AGO3: variants seen among roughly 807,000 people sequenced by gnomAD.
AGO3 encodes argonaute RISC catalytic component 3, also known as protein argonaute-3.
Under a neutral mutation model 105.5 loss-of-function variants are expected in AGO3, and 16 were observed. The observed-to-expected ratio is 0.15, with a 90% CI of 0.10 to 0.23. AGO3 has a LOEUF of 0.23. Among genes scored for constraint, AGO3 ranks in the 10% least tolerant of loss-of-function variants. AGO3 has a pLI of 1.00. For missense variants in AGO3, 534 were observed against 1,088.0 expected, an observed-to-expected ratio of 0.49 and a Z score of 7.16; for synonymous variants, 340 against 367.3, an observed-to-expected ratio of 0.93 and a Z score of 0.85.
intron 13 of AGO3, among the ~76,000 whole-genome samples, chr1:36,035,641 T>A (rs892793718): frequency 6.6e-6 from 1 of 152,182 alleles, no homozygotes; most frequent in African/African-American, 2.4e-5. Context: ...AGTTTATAAT[T>A]TTGTGCCCAT....
intron 9 of AGO3, 168 bp from the exon 10 acceptor site, chr1:36,013,462 C>T: frequency 1.2e-6 from 1 of 835,440 alleles, no homozygotes; most frequent in Non-Finnish European, 1.8e-6. Context: ...ATTCATGACC[C>T]ATGGTCCCCA....
chr1:36,014,438 A>G (rs866686318), intron 11 of AGO3, among the ~76,000 whole-genome samples: 85 of 151,248 alleles, frequency 5.6e-4, no homozygotes, highest in Admixed American at 1.4e-3. Context: ...GATTACAGGC[A>G]TGAGCCACTG....
intron 4 of AGO3, among the ~76,000 whole-genome samples, chr1:35,972,472 T>C (rs1274194649): frequency 6.6e-6 from 1 of 152,212 alleles, no homozygotes; most frequent in Non-Finnish European, 1.5e-5. Context: ...TAGAAAAATA[T>C]CTCACCCTTT....
In AGO3 at chr1:35,952,143, TC is replaced by T. The variant is rs1557648188; in HGVS notation, c.191+6281del. Reference sequence around the variant, plus strand: ...TTCTTTCTTTCTTTCTTTCTTTCTTTCTTTCTTTTTTTTTTTTTTTTTTGAC... The same window carrying T: ...TTCTTTCTTTCTTTCTTTCTTTCTTTTTTCTTTTTTTTTTTTTTTTTTGAC... On this transcript the variant is annotated intron_variant, in intron 2 of 18. Transcript: ENST00000373191. Among the ~76,000 whole-genome samples, 786 of 95,812 alleles carry T rather than the reference TC, an allele frequency of 8.2e-3. 21 individuals carry two copies. The highest frequency in any genetic ancestry group is 0.037 in the African/African-American group (644 of 17,332). The allele number at this position is 95,812 out of a possible 152,430, so 62.9% of individuals were successfully genotyped here.
chr1:35,933,838 C>T (rs183686243), intron 1 of AGO3, among the ~76,000 whole-genome samples: 1 of 151,932 alleles, frequency 6.6e-6, no homozygotes, highest in Admixed American at 6.6e-5. Context: ...ATTCTAGTTG[C>T]TCGGTGGATA....
Position 36,039,848 on chromosome 1 carries a change from G to A in AGO3, c.1901G>A (p.Arg634Lys). 6.2e-7 allele frequency: 1 copy of A among 1,613,438 alleles called. No individual in the cohort carries two copies. The highest frequency in any genetic ancestry group is 1.7e-5 in the Admixed American group (1 of 59,886). ...SRYCATVRVQ[R>K]PRQEIIQDLA... The stretch of plus-strand genomic sequence containing the variant: ...TACTGTGCCACAGTAAGAGTTCAGA[G>A]ACCCCGACAGGAGATCATCCAGGAC... The change falls in exon 15 of 19, where the codon AGA (arginine) becomes AAA (lysine). Residue 634 changes from arginine to lysine, a missense_variant. By Grantham distance (26) the Arg-to-Lys change is conservative (BLOSUM62 2). Around this residue, in one of 2 missense-constraint regions of AGO3, gnomAD observed 373 missense variants for 854.0 expected, o/e 0.44. Coordinates refer to ENST00000373191, the MANE Select transcript of AGO3 (RefSeq NM_024852.4).
intron 5 of AGO3, among the ~76,000 whole-genome samples, chr1:35,975,957 C>CT (rs1022872778): frequency 9.0e-5 from 12 of 133,322 alleles, no homozygotes; most frequent in South Asian, 7.1e-4. Flanking sequence ...TTTTTTCTTT[C>CT]TTTTTTTTGA....
chr1:36,027,778 CAAA>C lies in AGO3; in HGVS notation c.1591+493_1591+495del, dbSNP rs529893386. On this transcript the variant is annotated intron_variant, in intron 12 of 18. Transcript: ENST00000373191. The surrounding 1 kb of genome is among the most constrained non-coding windows in gnomAD (Gnocchi z 4.0). Reference sequence around the variant, plus strand: ...TGGGCGACAGAGCGAAAGTCCGTCTCAAAAAAAAAAAAAAAGGGTTTCAGTAGT... The same window carrying C: ...TGGGCGACAGAGCGAAAGTCCGTCTCAAAAAAAAAAAAGGGTTTCAGTAGT... Among the ~76,000 whole-genome samples, 2 of 66,684 alleles carry C rather than the reference CAAA, an allele frequency of 3.0e-5. No homozygotes were observed. Among genetic ancestry groups the C allele is most frequent in the Non-Finnish European group, 3.0e-5 (1 of 32,790 alleles). The allele number at this position is 66,684 out of a possible 152,430, so 43.7% of individuals were successfully genotyped here. A position where few individuals can be genotyped will look rare whatever the true frequency, so the allele number is the denominator to read the frequency against.
chr1:36,041,860 T>G (rs1268110518), intron 16 of AGO3, among the ~76,000 whole-genome samples: 1 of 152,066 alleles, frequency 6.6e-6, no homozygotes, highest in Non-Finnish European at 1.5e-5. Flanking sequence ...GTAATGCACT[T>G]AGAACAGGGC....
At chr1:35,958,770 A>G (rs1403175714) in intron 2 of AGO3, among the ~76,000 whole-genome samples, 1 of 152,228 alleles carries the variant, frequency 6.6e-6, no homozygotes, top group Non-Finnish European at 1.5e-5. Context: ...TAGTAACCAC[A>G]GAGTAATAAA....
At chr1:35,990,884 G>T (rs1647576004) in intron 5 of AGO3, among the ~76,000 whole-genome samples, 1 of 152,092 alleles carries the variant, frequency 6.6e-6, no homozygotes, top group African/African-American at 2.4e-5. Context: ...TTTTCTTTCG[G>T]GTGGAATGAG....
chr1:35,940,455 T>C (rs896825991), intron 1 of AGO3, among the ~76,000 whole-genome samples: 1 of 152,218 alleles, frequency 6.6e-6, no homozygotes, highest in African/African-American at 2.4e-5. Flanking sequence ...CGGTAAGTTT[T>C]CTCTCCTTGT....
intron 5 of AGO3, among the ~76,000 whole-genome samples, chr1:35,997,057 C>T (rs1310667533): frequency 3.3e-5 from 5 of 152,094 alleles, no homozygotes; most frequent in Non-Finnish European, 7.3e-5. Context: ...ACAGGCAGAT[C>T]GCTTGAGGTC....
At chr1:35,936,370 G>A (rs1360555379) in intron 1 of AGO3, among the ~76,000 whole-genome samples, 2 of 152,122 alleles carry the variant, frequency 1.3e-5, no homozygotes, top group African/African-American at 2.4e-5. Context: ...AAAAAAGTGT[G>A]CATTAGTCTG....
At chr1:35,944,938 G>A (rs1646333683) in intron 1 of AGO3, among the ~76,000 whole-genome samples, 1 of 152,084 alleles carries the variant, frequency 6.6e-6, no homozygotes, top group South Asian at 2.1e-4. Flanking sequence ...GTGTAGCTGG[G>A]ACCACAGGTG....
At position 35,948,667 on chromosome 1, in the gene AGO3, A is replaced by G. The variant is rs908233520; in HGVS notation, c.191+2804A>G. On this transcript the variant is annotated intron_variant, in intron 2 of 18. Coordinates refer to ENST00000373191, the MANE Select transcript of AGO3 (RefSeq NM_024852.4). The stretch of plus-strand genomic sequence containing the variant: ...ATATGTGTATATAAAGTTGTGTAGC[A>G]TAGAATTTCATGTGTATATGCTCAA... Among the ~76,000 whole-genome samples, 10 of 152,332 alleles carry G rather than the reference A, an allele frequency of 6.6e-5. 1 individual carries two copies. The highest frequency in any genetic ancestry group is 2.0e-4 in the Admixed American group (3 of 15,302).
In AGO3 at chr1:36,055,422, G is replaced by A. The variant is rs549775385; in HGVS notation, c.2475-215G>A. 6.6e-6 allele frequency among the ~76,000 whole-genome samples: 1 copy of A among 152,234 alleles called. No individual in the cohort carries two copies. The highest frequency in any genetic ancestry group is 1.9e-4 in the East Asian group (1 of 5,190). Reference sequence around the variant, plus strand: ...ATAGACAAAATGATACGATATCTAGGTTTGCTTCTAATTAATTCTGGGGAG... The same window carrying A: ...ATAGACAAAATGATACGATATCTAGATTTGCTTCTAATTAATTCTGGGGAG... On this transcript the variant is annotated intron_variant, in intron 18 of 18. Transcript: ENST00000373191. The surrounding 1 kb of genome is among the most constrained non-coding windows in gnomAD (Gnocchi z 4.4).
Position 36,040,313 on chromosome 1 carries a change from T to C in AGO3, c.2044T>C (p.Tyr682His). 1.9e-6 allele frequency: 3 copies of C among 1,612,936 alleles called. No homozygotes were observed. Among genetic ancestry groups the C allele is most frequent in the Non-Finnish European group, 2.5e-6 (3 of 1,179,060 alleles). The change falls in exon 16 of 19, where the codon TAT (tyrosine) becomes CAT (histidine). Residue 682 changes from tyrosine to histidine, a missense_variant. Around this residue, in one of 2 missense-constraint regions of AGO3, gnomAD observed 373 missense variants for 854.0 expected, o/e 0.44. Transcript: ENST00000373191. ...TCCATTTCATATTCTCTAGGTATTA[T>C]ATTATGAACTACTAGCAATTCGAGA... Reference protein sequence around the residue: ...VSEGQFRQVLYYELLAIREAC... With the variant: ...VSEGQFRQVLHYELLAIREAC...
chr1:36,003,893 A>G (rs1187763002), intron 5 of AGO3: 1 of 149,660 alleles, frequency 6.7e-6, no homozygotes, highest in Non-Finnish European at 1.5e-5. Context: ...GGTGGCTAAC[A>G]CCTATAATCC....
Sources: gnomAD v4.1 joint callset for allele counts (sites outside exome capture counted in the v4.1 genomes callset) on GRCh38, gnomAD v4.1.1 for gene constraint, gnomAD v4.1.1 regional missense constraint, Gnocchi (gnomAD v3.1) non-coding constraint, MANE v1.5 for transcripts, NCBI Gene and HGNC (gene_info 2026-07-23, HGNC 2026-07-21) for gene names.